Variants in BMS1 observed in about 807,000 individuals in gnomAD.
BMS1 encodes the protein BMS1 ribosome biogenesis factor.
In BMS1, 53 loss-of-function variants were observed where a neutral mutation model predicts 138.7. The ratio of observed to expected loss-of-function variants is 0.38; its 90% CI spans 0.31 to 0.48. The LOEUF is 0.48. Among genes scored for constraint, BMS1 ranks in the 20% least tolerant of loss-of-function variants. The probability of loss-of-function intolerance (pLI) is 0.97; values close to 1 mark genes in which losing one functional copy is unlikely to be tolerated. For synonymous variants in BMS1, 504 were observed against 539.9 expected, an observed-to-expected ratio of 0.93 and a Z score of 0.92; for missense variants, 1,360 against 1,565.5, an observed-to-expected ratio of 0.87 and a Z score of 2.22.
At chr10:42,816,404 T>G (rs919012685) in intron 13 of BMS1, among the ~76,000 whole-genome samples, 195 bp from the exon 14 acceptor site, 2 of 152,198 alleles carry the variant, frequency 1.3e-5, no homozygotes, top group Non-Finnish European at 2.9e-5. Context: ...TCCATTTAGT[T>G]TACCTAAACA....
intron 11 of BMS1, 146 bp downstream of exon 11, chr10:42,797,669 C>A: frequency 1.3e-6 from 1 of 784,210 alleles, no homozygotes; most frequent in Non-Finnish European, 2.0e-6. Context: ...CTCTAATCAT[C>A]AGCTTATGAG....
rs186070101 is a variant in BMS1, at chr10:42,790,862, A to T, written c.636+351A>T. Among the ~76,000 whole-genome samples, 22 of 152,206 alleles carry T rather than the reference A, an allele frequency of 1.4e-4. No individual in the cohort carries two copies. In the South Asian group the frequency reaches 2.7e-3, roughly 19 times the overall value. On this transcript the variant is annotated intron_variant, in intron 5 of 22. Transcript: ENST00000374518. Reference sequence around the variant, plus strand: ...GAGACGCTTGTCTCAAAAAAAAAAAATACTAAAGAGACATTACTAAACGTC... The same window carrying T: ...GAGACGCTTGTCTCAAAAAAAAAAATTACTAAAGAGACATTACTAAACGTC...
Position 42,802,458 on chromosome 10 carries a change from CAT to C in BMS1, c.2329+241_2329+242del, listed in dbSNP as rs1237712602. Among the ~76,000 whole-genome samples, 9 of 152,154 alleles carry C rather than the reference CAT, an allele frequency of 5.9e-5. No homozygotes were observed. In the East Asian group the frequency reaches 1.3e-3, roughly 23 times the overall value. ...TGAGAAACTTTCCATAAATTTTAAT[CAT>C]GTGTTTGTTAAAAATAGATTTTGTG... On this transcript the variant is annotated intron_variant, in intron 13 of 22. Coordinates refer to ENST00000374518, the MANE Select transcript of BMS1 (RefSeq NM_014753.4).
At chr10:42,829,038 G>C (rs1266901513) in intron 21 of BMS1, among the ~76,000 whole-genome samples, 1 of 152,158 alleles carries the variant, frequency 6.6e-6, no homozygotes, top group Non-Finnish European at 1.5e-5. Context: ...TTCAAGATAG[G>C]AGAAACTTGT....
At chr10:42,815,633 C>T (rs1404748970) in intron 13 of BMS1, among the ~76,000 whole-genome samples, 1 of 152,160 alleles carries the variant, frequency 6.6e-6, no homozygotes, top group Non-Finnish European at 1.5e-5. Context: ...GCAATTATGG[C>T]TCACTGCAAC....
chr10:42,792,905 A>G, intron 7 of BMS1, 52 bp from the exon 8 acceptor site: 1 of 1,559,908 alleles, frequency 6.4e-7, no homozygotes, highest in South Asian at 1.2e-5. Flanking sequence ...TCAATGGTAG[A>G]TGCTTCTGAC....
chr10:42,820,703 C>A lies in BMS1; in HGVS notation c.2950+15C>A, dbSNP rs777065836. The A allele has an allele frequency of 1.9e-6, 3 of 1,608,834 alleles. No individual in the cohort carries two copies. The highest frequency in any genetic ancestry group is 8.5e-7 in the Non-Finnish European group (1 of 1,177,266). On this transcript the variant is annotated intron_variant, in intron 17 of 22. Coordinates refer to ENST00000374518, the MANE Select transcript of BMS1 (RefSeq NM_014753.4). ...AGCCTTTTGGGGTAAAATATGATTA[C>A]AATAACTTGCCTGTTGCCAAGATTA... is the stretch of plus-strand genomic sequence containing the variant.
intron 13 of BMS1, among the ~76,000 whole-genome samples, chr10:42,807,590 C>G (rs1842049132): frequency 6.6e-6 from 1 of 152,164 alleles, no homozygotes. Flanking sequence ...CCCACATCAG[C>G]ACCCCCAAGG....
chr10:42,788,678 T>C (rs143947861), intron 4 of BMS1, among the ~76,000 whole-genome samples: 2,250 of 152,326 alleles, frequency 0.015, 37 homozygotes, highest in Middle Eastern at 0.037. Context: ...TTGAGAGAGA[T>C]GCCCATTATG....
At position 42,802,172 on chromosome 10, in the gene BMS1, A is replaced by C. The variant is rs374382202; in HGVS notation, c.2283A>C (p.Gly761=). ...GTATCAGAGATTGCTTCGTGACTGG[A>C]AAGTGGGAAGATGATAAAGATGCAG... ...MNSIRDCFVT[G]KWEDDKDAAK... Residue 761 remains glycine (G), a synonymous_variant, in exon 13 of 23, where the codon GGA becomes GGC. Coordinates refer to ENST00000374518, the MANE Select transcript of BMS1 (RefSeq NM_014753.4). The C allele has an allele frequency of 5.6e-6, 9 of 1,613,488 alleles. No individual in the cohort carries two copies. The highest frequency in any genetic ancestry group is 7.6e-6 in the Non-Finnish European group (9 of 1,179,728).
chr10:42,786,931 A>G (rs1338600496), intron 3 of BMS1, among the ~76,000 whole-genome samples: 1 of 152,164 alleles, frequency 6.6e-6, no homozygotes, highest in Non-Finnish European at 1.5e-5. Context: ...CTTTTTGAGC[A>G]CTTTTATTCA....
At position 42,796,917 on chromosome 10, in the gene BMS1, G is replaced by T. The variant is rs1284854699; in HGVS notation, c.1673G>T (p.Ser558Ile). 6.2e-7 allele frequency: 1 copy of T among 1,614,216 alleles called. No individual in the cohort carries two copies. Among genetic ancestry groups the T allele is most frequent in the Non-Finnish European group, 8.5e-7 (1 of 1,180,036 alleles). ...KAGLSPANCQSDRVNLEKSLL... is the reference protein window; with the variant it reads ...KAGLSPANCQIDRVNLEKSLL... ...GGGCTGTCACCAGCTAATTGCCAGA[G>T]TGACCGTGTGAATCTGGAGAAGTCT... The change falls in exon 10 of 23, where the codon AGT becomes ATT. Residue 558 changes from serine (S) to isoleucine (I), a missense_variant. By Grantham distance (142) the Ser-to-Ile change is moderately radical (BLOSUM62 -2). This residue lies in a region of BMS1 where 697 missense variants were observed against 686.2 expected (regional missense o/e 1.02). Coordinates refer to ENST00000374518, the MANE Select transcript of BMS1 (RefSeq NM_014753.4).
rs1384912571 is a variant in BMS1, at chr10:42,797,234, A to G, written c.1987+3A>G. 1.2e-6 allele frequency: 2 copies of G among 1,602,610 alleles called. No individual in the cohort carries two copies. Among genetic ancestry groups the G allele is most frequent in the Non-Finnish European group, 1.7e-6 (2 of 1,174,872 alleles). On this transcript the variant is annotated splice_donor_region_variant and intron_variant, in intron 10 of 22. Transcript: ENST00000374518. Reference sequence around the variant, plus strand: ...TAATGATTCCAAAGAAACGTCAGGTAAGCTTAAATGTAGTTGGTTGCTGCT... The same window carrying G: ...TAATGATTCCAAAGAAACGTCAGGTGAGCTTAAATGTAGTTGGTTGCTGCT...
Position 42,784,370 on chromosome 10 carries a change from T to C in BMS1, c.-25T>C. On this transcript the variant is annotated 5_prime_UTR_variant, in exon 2 of 23. Coordinates refer to ENST00000374518, the MANE Select transcript of BMS1 (RefSeq NM_014753.4). ...AACCTTCTTCCTTGTAGGTTAGAGT[T>C]ACTTGTTATTGGTAAATAGCCACTA... The C allele has an allele frequency of 6.3e-7, 1 of 1,579,666 alleles. No individual in the cohort carries two copies. The highest frequency in any genetic ancestry group is 8.5e-7 in the Non-Finnish European group (1 of 1,169,960).
rs1270290090 is a variant in BMS1 at position 42,820,324 on chromosome 10, T to C, written c.2669T>C (p.Ile890Thr). Residue 890 changes from isoleucine to threonine, a missense_variant, in exon 16 of 23, where the codon ATT becomes ACT. Around this residue, in one of 3 missense-constraint regions of BMS1, gnomAD observed 425 missense variants for 568.3 expected, o/e 0.75. Coordinates refer to ENST00000374518, the MANE Select transcript of BMS1 (RefSeq NM_014753.4). ...CCTGGGATGTACGTCCGCATTGAGATTGAAAATGTTCCCTGTGAATTTGTG... is the reference window on the plus strand; with the variant it reads ...CCTGGGATGTACGTCCGCATTGAGACTGAAAATGTTCCCTGTGAATTTGTG... ...FRPGMYVRIE[I>T]ENVPCEFVQN... The C allele has an allele frequency of 6.2e-7, 1 of 1,613,830 alleles. No individual in the cohort carries two copies. Among genetic ancestry groups the C allele is most frequent in the Non-Finnish European group, 8.5e-7 (1 of 1,179,870 alleles).
chr10:42,816,523 TG>T, intron 13 of BMS1, 75 bp from the exon 14 acceptor site: 1 of 1,214,198 alleles, frequency 8.2e-7, no homozygotes, highest in Non-Finnish European at 1.2e-6. Context: ...GAGCACACTG[TG>T]GGCCTGTGGT....
chr10:42,796,598 G>A lies in BMS1; in HGVS notation c.1354G>A (p.Glu452Lys), dbSNP rs756326162. Residue 452 changes from glutamate (E) to lysine (K), a missense_variant, in exon 10 of 23, where the codon GAA (glutamate) becomes AAA (lysine). Coordinates refer to ENST00000374518, the MANE Select transcript of BMS1 (RefSeq NM_014753.4). ...TGATGAAGAAGATGATGAAATGTCT[G>A]AAGATGACGGGTTGGAAAACGGCTC... is the stretch of plus-strand genomic sequence containing the variant. ...SDDEEDDEMS[E>K]DDGLENGSSD... is the part of the protein sequence containing the mutation. The A allele has an allele frequency of 4.3e-6, 7 of 1,614,066 alleles. No individual in the cohort carries two copies. Among genetic ancestry groups the A allele is most frequent in the Non-Finnish European group, 5.9e-6 (7 of 1,180,044 alleles).
intron 21 of BMS1, among the ~76,000 whole-genome samples, chr10:42,825,034 A>ACTCT: frequency 6.6e-6 from 1 of 151,768 alleles, no homozygotes; most frequent in Non-Finnish European, 1.5e-5. Flanking sequence ...TTTGAGGCAA[A>ACTCT]GTCTCACTCT....
At chr10:42,827,539 G>C (rs553330019) in intron 21 of BMS1, among the ~76,000 whole-genome samples, 27 of 152,304 alleles carry the variant, frequency 1.8e-4, no homozygotes, top group African/African-American at 6.5e-4. Flanking sequence ...CTGGTCCATG[G>C]GGGTGGGGCA....
Sources: gnomAD v4.1 joint callset for allele counts (sites outside exome capture counted in the v4.1 genomes callset) on GRCh38, gnomAD v4.1.1 for gene constraint, gnomAD v4.1.1 regional missense constraint, MANE v1.5 for transcripts, NCBI Gene and HGNC (gene_info 2026-07-23, HGNC 2026-07-21) for gene names.